Variants in DIP2B observed in about 807,000 individuals in gnomAD.
The protein encoded by DIP2B is DIP2 acetate--CoA ligase B (putative).
A neutral mutation model predicts 198.0 loss-of-function variants in DIP2B; 76 were observed. The ratio of observed to expected loss-of-function variants is 0.38; its 90% CI spans 0.32 to 0.46. The LOEUF (loss-of-function observed/expected upper bound fraction) is 0.46. Among genes scored for constraint, DIP2B ranks in the 20% least tolerant of loss-of-function variants. The pLI, the probability that DIP2B is intolerant of heterozygous loss-of-function variation, is 0.99. For missense variants in DIP2B, 1,559 were observed against 1,978.4 expected (o/e 0.79, Z 4.02); for synonymous variants, 701 against 739.1 (o/e 0.95, Z 0.84).
chr12:50,691,702 A>C (rs190487336), intron 13 of DIP2B, among the ~76,000 whole-genome samples: 1 of 152,282 alleles, frequency 6.6e-6, no homozygotes, highest in Admixed American at 6.5e-5. Flanking sequence ...TCTATCATGA[A>C]ATTATATATA....
At chr12:50,683,662 G>A (rs1939083590) in intron 10 of DIP2B, among the ~76,000 whole-genome samples, 1 of 151,864 alleles carries the variant, frequency 6.6e-6, no homozygotes, top group African/African-American at 2.4e-5. Flanking sequence ...GGGCGCCTGT[G>A]GTCCCAGCTA....
intron 1 of DIP2B, among the ~76,000 whole-genome samples, chr12:50,554,764 C>G (rs1016344632): frequency 6.6e-6 from 1 of 151,828 alleles, no homozygotes. Context: ...GCCGCTCCCC[C>G]CCCGCCCCTT....
intron 3 of DIP2B, among the ~76,000 whole-genome samples, chr12:50,651,493 CAATTTTTGTATATCATGTTA>C (rs1267613666): frequency 2.0e-5 from 3 of 152,008 alleles, no homozygotes; most frequent in Non-Finnish European, 4.4e-5. Flanking sequence ...TATTTTGAGT[CAATTTTTGTATATCATGTTA>C]AATAAGGACC....
chr12:50,528,450 A>G (rs1056885520), intron 1 of DIP2B, among the ~76,000 whole-genome samples: 1 of 151,336 alleles, frequency 6.6e-6, no homozygotes, highest in Non-Finnish European at 1.5e-5. Flanking sequence ...AAAAAAAAGG[A>G]AAAGTATAGT....
At chr12:50,722,942 C>T (rs1939868729) in intron 26 of DIP2B, among the ~76,000 whole-genome samples, 1 of 152,126 alleles carries the variant, frequency 6.6e-6, no homozygotes, top group Non-Finnish European at 1.5e-5. Context: ...GCAATAATAT[C>T]AATATACCTT....
At chr12:50,654,411 A>G (rs752202432) in intron 3 of DIP2B, among the ~76,000 whole-genome samples, 36 of 150,626 alleles carry the variant, frequency 2.4e-4, no homozygotes, top group Non-Finnish European at 4.1e-4. Context: ...CTGGAGTGCA[A>G]GTAGTGTGAT....
Position 50,721,255 on chromosome 12 carries a change from C to A in DIP2B, c.3043-18C>A. 6.2e-7 allele frequency: 1 copy of A among 1,612,058 alleles called. No homozygotes were observed. The highest frequency in any genetic ancestry group is 8.5e-7 in the Non-Finnish European group (1 of 1,179,050). ...CCTTTCTGAGCTTTGACCCGCTTAT[C>A]CTTTCTGTTGTTTAAAGGGAACCAC... On this transcript the variant is annotated intron_variant, in intron 25 of 37. Transcript: ENST00000301180.
intron 22 of DIP2B, among the ~76,000 whole-genome samples, chr12:50,711,861 C>T (rs547607029): frequency 1.3e-5 from 2 of 152,178 alleles, no homozygotes; most frequent in East Asian, 1.9e-4. Context: ...CACCTGGCTC[C>T]TTAAATTGTT....
chr12:50,545,072 G>C (rs57512759), intron 1 of DIP2B, among the ~76,000 whole-genome samples: 1 of 152,172 alleles, frequency 6.6e-6, no homozygotes, highest in Admixed American at 6.6e-5. Context: ...TATTGTTGGT[G>C]AGCATTTGGT....
intron 1 of DIP2B, among the ~76,000 whole-genome samples, chr12:50,592,433 A>G (rs1318327640): frequency 6.6e-6 from 1 of 151,930 alleles, no homozygotes; most frequent in African/African-American, 2.4e-5. Flanking sequence ...CTGGCATTAT[A>G]GTTATCAGCC....
At chr12:50,602,234 AATAC>A (rs1328028539) in intron 1 of DIP2B, among the ~76,000 whole-genome samples, 1 of 152,240 alleles carries the variant, frequency 6.6e-6, no homozygotes, top group Non-Finnish European at 1.5e-5. Context: ...TGTATAAGTT[AATAC>A]ATACATATCT....
chr12:50,575,095 T>G (rs756286876), intron 1 of DIP2B, among the ~76,000 whole-genome samples: 5 of 152,192 alleles, frequency 3.3e-5, no homozygotes, highest in Non-Finnish European at 1.5e-5. Context: ...ATAGCTAACT[T>G]TCTTTTCTTT....
intron 1 of DIP2B, among the ~76,000 whole-genome samples, chr12:50,600,894 TCACCACCACCACCACCACCAC>T (rs34616785): frequency 7.4e-5 from 9 of 121,582 alleles, no homozygotes; most frequent in East Asian, 2.6e-4. Context: ...ATGACCACCA[TCACCACCACCACCACCACCAC>T]CACCACCACC....
chr12:50,545,534 C>T (rs1958369528), intron 1 of DIP2B, among the ~76,000 whole-genome samples: 3 of 151,770 alleles, frequency 2.0e-5, no homozygotes, highest in Non-Finnish European at 4.4e-5. Context: ...TGCCACCATG[C>T]CTGGCTAATT....
chr12:50,591,330 T>C (rs556771786), intron 1 of DIP2B, among the ~76,000 whole-genome samples: 38 of 152,314 alleles, frequency 2.5e-4, no homozygotes, highest in East Asian at 1.3e-3. Flanking sequence ...TTTTATGATA[T>C]TGATTTTTCT....
intron 1 of DIP2B, among the ~76,000 whole-genome samples, chr12:50,532,632 C>T (rs1958228694): frequency 1.3e-5 from 2 of 152,166 alleles, no homozygotes; most frequent in Non-Finnish European, 2.9e-5. Flanking sequence ...TGGAAAGTCA[C>T]TGTGGTCAGT....
chr12:50,610,921 C>T (rs1035542918), intron 1 of DIP2B, among the ~76,000 whole-genome samples: 1 of 151,842 alleles, frequency 6.6e-6, no homozygotes, highest in African/African-American at 2.4e-5. Context: ...GTCTCAGCCT[C>T]CTGAGTAGCT....
chr12:50,690,720 T>C (rs1489853268), intron 12 of DIP2B, among the ~76,000 whole-genome samples: 1 of 152,246 alleles, frequency 6.6e-6, no homozygotes, highest in African/African-American at 2.4e-5. Flanking sequence ...AGTGCTGTGC[T>C]TGACTTGTAT....
chr12:50,587,644 T>G (rs1209055378), intron 1 of DIP2B, among the ~76,000 whole-genome samples: 2 of 152,218 alleles, frequency 1.3e-5, no homozygotes, highest in Non-Finnish European at 2.9e-5. Flanking sequence ...AATTTTTTTC[T>G]TCCTCCTTCA....
Sources: allele counts gnomAD v4.1 joint callset (sites outside exome capture counted in the v4.1 genomes callset), GRCh38; gene constraint gnomAD v4.1.1; transcripts MANE v1.5; gene names NCBI Gene and HGNC (gene_info 2026-07-23, HGNC 2026-07-21).